Variants in WDR27 observed in about 807,000 individuals in gnomAD.
WDR27 encodes WD repeat domain 27.
In WDR27, 100 loss-of-function variants were observed where a neutral mutation model predicts 114.4. That is an observed-to-expected ratio of 0.87 (90% CI 0.74 to 1.03). The LOEUF (loss-of-function observed/expected upper bound fraction) is 1.03, where lower values mean the gene tolerates loss of function less well. Ranked by LOEUF, WDR27 falls within the 50% of genes least tolerant of loss-of-function variation. WDR27 has a pLI of 0.00. For synonymous variants in WDR27, 449 were observed against 423.1 expected, an observed-to-expected ratio of 1.06 and a Z score of -0.75; for missense variants, 1,129 against 1,092.9, an observed-to-expected ratio of 1.03 and a Z score of -0.47.
At chr6:169,652,978 T>C (rs571445654) in intron 13 of WDR27, among the ~76,000 whole-genome samples, 131 of 152,022 alleles carry the variant, frequency 8.6e-4, no homozygotes, top group African/African-American at 3.0e-3. Flanking sequence ...GAAACAAACA[T>C]GTTAAGTTTT....
At chr6:169,666,654 T>C in intron 6 of WDR27, 1 of 985,894 alleles carries the variant, frequency 1.0e-6, no homozygotes, top group Non-Finnish European at 1.2e-6. Context: ...CCAGCTTCAT[T>C]TACCAACAGA....
intron 25 of WDR27, among the ~76,000 whole-genome samples, chr6:169,562,825 G>A (rs4716366): frequency 0.3 from 45,441 of 152,040 alleles, 7,636 homozygotes; most frequent in African/African-American, 0.44. Context: ...TGAGGAGGCC[G>A]ATGAGATAGA....
Position 169,627,303 on chromosome 6 carries a change from C to T in WDR27, c.2223+5644G>A, listed in dbSNP as rs897160068. Among the ~76,000 whole-genome samples the T allele has an allele frequency of 2.6e-5, 4 of 152,194 alleles. No individual in the cohort carries two copies. In the East Asian group the frequency reaches 5.8e-4, roughly 22 times the overall value. On this transcript the variant is annotated intron_variant, in intron 21 of 25. Coordinates refer to ENST00000448612, the MANE Select transcript of WDR27 (RefSeq NM_182552.5). ...AAATCTTAATTATGCTACAAATTCA[C>T]TTCCTATATCTTCGTTCTCCAAGTC...
chr6:169,496,055 A>G (rs1289140199), intron 25 of WDR27, among the ~76,000 whole-genome samples: 3 of 152,130 alleles, frequency 2.0e-5, no homozygotes, highest in Admixed American at 1.3e-4. Flanking sequence ...GCATATTAAA[A>G]GGATTACAAA....
At chr6:169,525,148 G>A (rs1331004826) in intron 25 of WDR27, among the ~76,000 whole-genome samples, 1 of 152,054 alleles carries the variant, frequency 6.6e-6, no homozygotes, top group East Asian at 1.9e-4. Context: ...AGACATACAA[G>A]TAGCTAATAG....
At chr6:169,671,198 A>T (rs1454326569) in intron 3 of WDR27, 1 of 155,346 alleles carries the variant, frequency 6.4e-6, no homozygotes, top group East Asian at 1.9e-4. Flanking sequence ...CCGTCATGCA[A>T]ATCCACACAG....
chr6:169,516,788 A>ACACACACACACAC, intron 25 of WDR27, among the ~76,000 whole-genome samples: 1 of 119,264 alleles, frequency 8.4e-6, no homozygotes, highest in Non-Finnish European at 1.7e-5. Flanking sequence ...GGCATGCTCC[A>ACACACACACACAC]ACACACACAC....
chr6:169,696,805 T>A (rs1266438041), intron 1 of WDR27, among the ~76,000 whole-genome samples: 1 of 152,154 alleles, frequency 6.6e-6, no homozygotes, highest in Non-Finnish European at 1.5e-5. Flanking sequence ...TCCCAGCTAC[T>A]TGGAAGGCTG....
chr6:169,479,280 A>G (rs2115372062), intron 25 of WDR27, among the ~76,000 whole-genome samples: 1 of 152,328 alleles, frequency 6.6e-6, no homozygotes, highest in Middle Eastern at 3.4e-3. Flanking sequence ...CAAACAAATG[A>G]AAGAAATGTT....
chr6:169,516,303 G>A (rs938071994), intron 25 of WDR27, among the ~76,000 whole-genome samples: 2 of 152,156 alleles, frequency 1.3e-5, no homozygotes, highest in African/African-American at 4.8e-5. Context: ...ACGGTAAGGA[G>A]CCATGAAAAT....
At chr6:169,646,994 T>C (rs1225657856) in intron 16 of WDR27, among the ~76,000 whole-genome samples, 2 of 152,098 alleles carry the variant, frequency 1.3e-5, no homozygotes, top group African/African-American at 4.8e-5. Context: ...TCTGGACAGA[T>C]GGCATGAGGG....
chr6:169,696,527 G>C (rs1585231314), intron 1 of WDR27, among the ~76,000 whole-genome samples: 1 of 152,328 alleles, frequency 6.6e-6, no homozygotes, highest in African/African-American at 2.4e-5. Flanking sequence ...TGAAAGGTTT[G>C]GGGTCAGAGA....
chr6:169,697,390 T>G (rs866427978), intron 1 of WDR27, among the ~76,000 whole-genome samples: 36 of 152,210 alleles, frequency 2.4e-4, no homozygotes, highest in African/African-American at 8.7e-4. Flanking sequence ...AGCCTCAGTG[T>G]CAAGGAAAAA....
At chr6:169,673,193 A>G (rs983330822) in intron 2 of WDR27, among the ~76,000 whole-genome samples, 1 of 152,160 alleles carries the variant, frequency 6.6e-6, no homozygotes, top group Non-Finnish European at 1.5e-5. Context: ...TAGGCGAACA[A>G]TGTCTCAAGA....
intron 1 of WDR27, among the ~76,000 whole-genome samples, chr6:169,690,496 C>T (rs1375323882): frequency 6.6e-6 from 1 of 152,174 alleles, no homozygotes; most frequent in Admixed American, 6.5e-5. Flanking sequence ...GAGCTCTTCC[C>T]ATTCTCCAGG....
At position 169,474,982 on chromosome 6, in the gene WDR27, G is replaced by C. The variant is rs986330338; in HGVS notation, c.2646-17348C>G. 2.6e-5 allele frequency among the ~76,000 whole-genome samples: 4 copies of C among 152,008 alleles called. No homozygotes were observed. In the South Asian group the frequency reaches 8.3e-4, roughly 32 times the overall value. The stretch of plus-strand genomic sequence containing the variant: ...CAACAAGTGTAGAGAAGAGCCCCCA[G>C]TGACTCTGAGGTCTAGCAAGAATCA... On this transcript the variant is annotated intron_variant, in intron 25 of 25. Coordinates refer to ENST00000448612, the MANE Select transcript of WDR27 (RefSeq NM_182552.5).
intron 25 of WDR27, among the ~76,000 whole-genome samples, chr6:169,488,229 G>A (rs1350226113): frequency 6.6e-6 from 1 of 152,240 alleles, no homozygotes; most frequent in African/African-American, 2.4e-5. Context: ...TGCACCACCA[G>A]CTTAGAGCAG....
At chr6:169,438,009 T>G in the WDR27 span, among the ~76,000 whole-genome samples, 1 of 152,140 alleles carries the variant, frequency 6.6e-6, no homozygotes, top group Admixed American at 6.5e-5. Context: ...ACCTGGGTAG[T>G]GAGCATAGTA....
At chr6:169,674,422 A>G (rs535718599) in intron 2 of WDR27, among the ~76,000 whole-genome samples, 50 of 152,352 alleles carry the variant, frequency 3.3e-4, no homozygotes, top group African/African-American at 1.2e-3. Flanking sequence ...GATGAAAACT[A>G]GAATAAGATA....
Sources: gnomAD v4.1 joint callset for allele counts (sites outside exome capture counted in the v4.1 genomes callset) on GRCh38, gnomAD v4.1.1 for gene constraint, MANE v1.5 for transcripts, NCBI Gene and HGNC (gene_info 2026-07-23, HGNC 2026-07-21) for gene names.